The following RHNO1 variants were observed in gnomAD, a reference collection of about 807,000 sequenced individuals.
The protein encoded by RHNO1 is RAD9-HUS1-RAD1 interacting nuclear orphan 1.
In RHNO1, 9 loss-of-function variants were observed where a neutral mutation model predicts 7.2. The observed-to-expected ratio is 1.25, with a 90% CI of 0.75 to 2.18. The LOEUF (loss-of-function observed/expected upper bound fraction) is 2.18, where lower values mean the gene tolerates loss of function less well. Among genes scored for constraint, RHNO1 ranks in the 30% most tolerant of loss-of-function variants. The probability of loss-of-function intolerance (pLI) is 0.00; values close to 1 mark genes in which losing one functional copy is unlikely to be tolerated. For synonymous variants in RHNO1, 95 were observed against 107.5 expected, an observed-to-expected ratio of 0.88 and a Z score of 0.72; for missense variants, 292 against 284.5, an observed-to-expected ratio of 1.03 and a Z score of -0.19.
At chr12:2,881,441 C>T (rs1244181328) in intron 1 of RHNO1, among the ~76,000 whole-genome samples, 1 of 151,964 alleles carries the variant, frequency 6.6e-6, no homozygotes, top group African/African-American at 2.4e-5. Context: ...AGAATGTAAG[C>T]ACCACAAGGG....
Position 2,885,313 on chromosome 12 carries a change from A to G in RHNO1, c.-54A>G, listed in dbSNP as rs1807991119. ...GGTTGGAATTGGAGCCTATCCCCCA[A>G]CCCGAAGGCTAACAGCATCATGTGG... On this transcript the variant is annotated 5_prime_UTR_variant, in exon 2 of 3. Transcript: ENST00000489288. The G allele has an allele frequency of 2.0e-6, 3 of 1,525,788 alleles. No homozygotes were observed. In the South Asian group the frequency reaches 3.7e-5, roughly 19 times the overall value. 94.5% of individuals were successfully genotyped at this position (1,525,788 alleles called of 1,614,324 possible). A position where few individuals can be genotyped will look rare whatever the true frequency, so the allele number is the denominator to read the frequency against.
rs553636964 is a variant in RHNO1, at chr12:2,884,091, C to T, written c.-84-1192C>T. 3.9e-5 allele frequency among the ~76,000 whole-genome samples: 6 copies of T among 151,928 alleles called. 1 individual carries two copies. Among genetic ancestry groups the T allele is most frequent in the African/African-American group, 1.2e-4 (5 of 41,400 alleles). On this transcript the variant is annotated intron_variant, in intron 1 of 2. Transcript: ENST00000489288. ...GTTTGTTTGTTTTGGAGACGAGTCT[C>T]GCTTTGTCTCCCAGGCTGGAGTGCA...
intron 1 of RHNO1, chr12:2,877,998 A>C (rs2098150466): frequency 6.6e-6 from 1 of 152,218 alleles, no homozygotes; most frequent in African/African-American, 2.4e-5. Flanking sequence ...CTGGCAACAT[A>C]GCGAAACCGC....
intron 1 of RHNO1, among the ~76,000 whole-genome samples, chr12:2,879,503 T>C (rs945150490): frequency 2.0e-5 from 3 of 151,708 alleles, no homozygotes; most frequent in African/African-American, 7.3e-5. Flanking sequence ...CACCTGATTT[T>C]TTGTATTTTT....
chr12:2,880,614 AAAAC>A (rs1376956284), intron 1 of RHNO1, among the ~76,000 whole-genome samples: 4 of 151,988 alleles, frequency 2.6e-5, no homozygotes, highest in African/African-American at 7.3e-5. Context: ...ACTTTGTCTC[AAAAC>A]AAACAAACAA....
At chr12:2,879,848 TAGAC>T (rs1363449412) in intron 1 of RHNO1, among the ~76,000 whole-genome samples, 1 of 152,004 alleles carries the variant, frequency 6.6e-6, no homozygotes, top group Non-Finnish European at 1.5e-5. Flanking sequence ...GGGAAGGACT[TAGAC>T]AGCAGAATGA....
At chr12:2,884,497 G>C (rs2043374849) in intron 1 of RHNO1, among the ~76,000 whole-genome samples, 1 of 152,234 alleles carries the variant, frequency 6.6e-6, no homozygotes, top group Non-Finnish European at 1.5e-5. Flanking sequence ...AAAGTGCTGG[G>C]ATTAGAGGCG....
rs1027904506 is a variant in RHNO1, at chr12:2,883,375, GAAAAAAAGA to G, written c.-84-1895_-84-1887del. ...TAGGCAACAGATGAGACCCTATCTC[GAAAAAAAGA>G]AAAAAAAGAAAATGGGAACACTGGC... On this transcript the variant is annotated intron_variant, in intron 1 of 2. Coordinates refer to ENST00000489288, the MANE Select transcript of RHNO1 (RefSeq NM_001252499.3). Among the ~76,000 whole-genome samples, 12 of 145,200 alleles carry G rather than the reference GAAAAAAAGA, an allele frequency of 8.3e-5. No homozygotes were observed. The South Asian group carries it at 8.7e-4, about 10-fold the overall frequency.
At position 2,887,771 on chromosome 12, in the gene RHNO1, A is replaced by G. The variant is rs7299107; in HGVS notation, c.169-140A>G. The G allele has an allele frequency of 6.3e-4, 402 of 638,820 alleles. 1 individual carries two copies. The African/African-American group carries it at 6.5e-3, about 10-fold the overall frequency. 39.6% of individuals were successfully genotyped at this position (638,820 alleles called of 1,614,324 possible). On this transcript the variant is annotated intron_variant, in intron 2 of 2. Transcript: ENST00000489288. The stretch of plus-strand genomic sequence containing the variant: ...AATAATTTGCCCAAAGCTTCCTGTT[A>G]TTATGCCATTAGACAGTTATTTTAG...
chr12:2,887,629 C>T (rs571487647), intron 2 of RHNO1, among the ~76,000 whole-genome samples: 7 of 152,210 alleles, frequency 4.6e-5, no homozygotes, highest in East Asian at 1.9e-4. Flanking sequence ...GCCTAGACGT[C>T]GGAGTGAGAC....
Position 2,888,354 on chromosome 12 carries a change from G to C in RHNO1, c.612G>C (p.Glu204Asp). ...PGPVLVKDTP[E>D]DKYGIKVTWR... ...CTGTTCTGGTTAAAGACACCCCCGA[G>C]GACAAGTATGGAATAAAGGTCACAT... is the stretch of plus-strand genomic sequence containing the variant. Residue 204 changes from glutamate to aspartate, a missense_variant, in exon 3 of 3, where the codon GAG becomes GAC. By Grantham distance (45) the Glu-to-Asp change is conservative. Coordinates refer to ENST00000489288, the MANE Select transcript of RHNO1 (RefSeq NM_001252499.3). The C allele has an allele frequency of 6.2e-7, 1 of 1,614,070 alleles. No homozygotes were observed. The highest frequency in any genetic ancestry group is 1.1e-5 in the South Asian group (1 of 91,080).
At chr12:2,876,667 C>A (rs1490317712), upstream of RHNO1, among the ~76,000 whole-genome samples, 1 of 152,182 alleles carries the variant, frequency 6.6e-6, no homozygotes, top group Non-Finnish European at 1.5e-5. Flanking sequence ...CCAGCCCTCC[C>A]GAGGCCGCGG....
At chr12:2,886,281 A>G (rs754252275) in intron 2 of RHNO1, 2 of 152,192 alleles carry the variant, frequency 1.3e-5, no homozygotes, top group African/African-American at 4.8e-5. Flanking sequence ...TACTCTGTTT[A>G]TTGTGTAATG....
Position 2,887,908 on chromosome 12 carries a change from AAGG to A in RHNO1, c.169-2_169del. On this transcript the variant is annotated splice_acceptor_variant and coding_sequence_variant, in exon 3 of 3. Coordinates refer to ENST00000489288, the MANE Select transcript of RHNO1 (RefSeq NM_001252499.3). LOFTEE classifies it high-confidence loss of function. ...CTCACCTCACTTTTTTTTTTTTTTT[AAGG>A]TATCACCTGATTTTGATACAGCAGC... The A allele has an allele frequency of 1.3e-6, 2 of 1,489,450 alleles. No homozygotes were observed. The highest frequency in any genetic ancestry group is 8.9e-7 in the Non-Finnish European group (1 of 1,118,736). The allele number at this position is 1,489,450 out of a possible 1,614,324, so 92.3% of individuals were successfully genotyped here.
chr12:2,883,075 A>AAAAAAAAACAAC (rs112989975), intron 1 of RHNO1, among the ~76,000 whole-genome samples: 44,478 of 134,122 alleles, frequency 0.33, 8,010 homozygotes, highest in East Asian at 0.49. Flanking sequence ...TCAAAAAAAA[A>AAAAAAAAACAAC]AAAAAAAAAA....
intron 1 of RHNO1, among the ~76,000 whole-genome samples, chr12:2,883,479 ATATATATATAT>A (rs2098160927): frequency 1.8e-4 from 6 of 33,386 alleles, no homozygotes; most frequent in Admixed American, 4.0e-4. Flanking sequence ...AGGATAGAAT[ATATATATATAT>A]ATATATATAT....
At chr12:2,884,753 T>C (rs1305063057) in intron 1 of RHNO1, among the ~76,000 whole-genome samples, 2 of 152,172 alleles carry the variant, frequency 1.3e-5, no homozygotes, top group African/African-American at 2.4e-5. Context: ...TCCAGATACA[T>C]TGAATTTGTA....
At chr12:2,886,560 G>A (rs752810021) in intron 2 of RHNO1, among the ~76,000 whole-genome samples, 1 of 151,094 alleles carries the variant, frequency 6.6e-6, no homozygotes, top group African/African-American at 2.4e-5. Flanking sequence ...GGGAGGCTAA[G>A]GTGGGCAGAT....
chr12:2,887,174 C>G (rs1169486525), intron 2 of RHNO1: 2 of 280,962 alleles, frequency 7.1e-6, no homozygotes, highest in African/African-American at 2.2e-5. Flanking sequence ...GAAACTCTGA[C>G]TCTATTAAAA....
Sources: gnomAD v4.1 joint callset for allele counts (sites outside exome capture counted in the v4.1 genomes callset) on GRCh38, gnomAD v4.1.1 for gene constraint, MANE v1.5 for transcripts, NCBI Gene and HGNC (gene_info 2026-07-23, HGNC 2026-07-21) for gene names.